The following TAFA2 variants were observed in gnomAD, a reference collection of about 807,000 sequenced individuals.
The protein encoded by TAFA2 is chemokine-like protein TAFA-2.
In TAFA2, 7 loss-of-function variants were observed where a neutral mutation model predicts 18.8. That is an observed-to-expected ratio of 0.37 (90% CI 0.21 to 0.70). The LOEUF is 0.70. Among genes scored for constraint, TAFA2 ranks in the 30% least tolerant of loss-of-function variants. The pLI is 0.53. For synonymous variants in TAFA2, 60 were observed against 54.2 expected (o/e 1.11, Z -0.47); for missense variants, 122 against 158.1 (o/e 0.77, Z 1.23).
At chr12:62,018,926 C>T (rs190281305) in intron 1 of TAFA2, among the ~76,000 whole-genome samples, 126 of 152,322 alleles carry the variant, frequency 8.3e-4, no homozygotes, top group Non-Finnish European at 2.4e-4. Context: ...CTCTACTCAT[C>T]TGACAAAGGG....
chr12:62,240,383 C>A (rs1462819527), intron 1 of TAFA2, among the ~76,000 whole-genome samples: 2 of 151,058 alleles, frequency 1.3e-5, no homozygotes, highest in Non-Finnish European at 2.9e-5. Context: ...AGCGCTATGG[C>A]ACTCCAGCCT....
intron 1 of TAFA2, among the ~76,000 whole-genome samples, chr12:62,187,992 T>C (rs992065024): frequency 1.3e-5 from 2 of 152,226 alleles, no homozygotes; most frequent in African/African-American, 2.4e-5. Context: ...CATGGCATTA[T>C]AAAATCAGTG....
chr12:61,775,660 G>A (rs1228267355), intron 2 of TAFA2, among the ~76,000 whole-genome samples: 1 of 151,780 alleles, frequency 6.6e-6, no homozygotes, highest in Non-Finnish European at 1.5e-5. Context: ...GCAGAACACA[G>A]GATTTTTAGG....
Position 62,039,321 on chromosome 12 carries a change from A to T in TAFA2, c.-2+151938T>A, listed in dbSNP as rs149807758. Among the ~76,000 whole-genome samples the T allele has an allele frequency of 2.0e-3, 309 of 152,330 alleles. 1 individual carries two copies. Among genetic ancestry groups the T allele is most frequent in the Non-Finnish European group, 3.4e-3 (234 of 68,030 alleles). On this transcript the variant is annotated intron_variant, in intron 1 of 4. Transcript: ENST00000416284. ...TGTTTTCCTATTCTTGGAGCACTCCATGAAAACCGCTGAGTAAGGGCAGTA... is the reference window on the plus strand; with the variant it reads ...TGTTTTCCTATTCTTGGAGCACTCCTTGAAAACCGCTGAGTAAGGGCAGTA...
chr12:61,830,562 G>C (rs371207406), intron 2 of TAFA2, among the ~76,000 whole-genome samples: 50 of 152,000 alleles, frequency 3.3e-4, no homozygotes, highest in African/African-American at 1.1e-3. Context: ...CATGGGCATA[G>C]AGGGGAAATA....
At chr12:61,769,762 T>C (rs1869947274) in intron 2 of TAFA2, among the ~76,000 whole-genome samples, 1 of 152,068 alleles carries the variant, frequency 6.6e-6, no homozygotes, top group Non-Finnish European at 1.5e-5. Flanking sequence ...TCTCAGATCT[T>C]CCCTCTGACA....
intron 1 of TAFA2, among the ~76,000 whole-genome samples, chr12:61,870,642 TCA>T (rs1023031313): frequency 1.1e-4 from 16 of 152,224 alleles, no homozygotes; most frequent in African/African-American, 3.4e-4. Context: ...CCACACACAC[TCA>T]CAGTCTATTT....
chr12:61,804,651 C>T (rs1277771650), intron 2 of TAFA2, among the ~76,000 whole-genome samples: 1 of 152,046 alleles, frequency 6.6e-6, no homozygotes, highest in African/African-American at 2.4e-5. Context: ...CAAGTTTCTA[C>T]AGCACTCTGT....
chr12:62,177,596 C>T (rs1021140828), intron 1 of TAFA2, among the ~76,000 whole-genome samples: 6 of 152,126 alleles, frequency 3.9e-5, no homozygotes, highest in African/African-American at 1.2e-4. Flanking sequence ...GAACTTCAAA[C>T]CCAAATTTAC....
intron 1 of TAFA2, among the ~76,000 whole-genome samples, chr12:62,058,803 T>C (rs1408049040): frequency 6.6e-6 from 1 of 152,062 alleles, no homozygotes; most frequent in Non-Finnish European, 1.5e-5. Flanking sequence ...TCTAAAGAAA[T>C]TTTAAAAAAT....
chr12:61,900,610 A>G (rs961268529), intron 1 of TAFA2, among the ~76,000 whole-genome samples: 23 of 152,178 alleles, frequency 1.5e-4, no homozygotes, highest in Admixed American at 5.9e-4. Context: ...AAGGCCCCAT[A>G]TAAACCCATC....
At chr12:62,058,038 A>G (rs1251255794) in intron 1 of TAFA2, among the ~76,000 whole-genome samples, 2 of 152,238 alleles carry the variant, frequency 1.3e-5, no homozygotes, top group Non-Finnish European at 2.9e-5. Flanking sequence ...ATAAATAAAA[A>G]CAAATAAATA....
chr12:61,792,388 G>T (rs1034738362), intron 2 of TAFA2, among the ~76,000 whole-genome samples: 2 of 151,610 alleles, frequency 1.3e-5, no homozygotes, highest in African/African-American at 2.4e-5. Flanking sequence ...AGCTAGAAAA[G>T]ATTATTTTAA....
chr12:62,060,945 A>T (rs1882331861), intron 1 of TAFA2, among the ~76,000 whole-genome samples: 1 of 152,066 alleles, frequency 6.6e-6, no homozygotes, highest in African/African-American at 2.4e-5. Context: ...GTTTAAAGGG[A>T]AAGAAAATAT....
intron 1 of TAFA2, among the ~76,000 whole-genome samples, chr12:62,014,766 C>A (rs1460614931): frequency 6.6e-6 from 1 of 152,170 alleles, no homozygotes; most frequent in Non-Finnish European, 1.5e-5. Context: ...TATTAAATAT[C>A]AAGTATTGTG....
At chr12:62,249,443 T>G (rs374190019) in intron 1 of TAFA2, among the ~76,000 whole-genome samples, 15 of 152,178 alleles carry the variant, frequency 9.9e-5, no homozygotes, top group African/African-American at 3.6e-4. Context: ...CTTGTGGTAA[T>G]GAGTAAGTTC....
At chr12:61,852,044 C>T (rs1260993374) in intron 2 of TAFA2, among the ~76,000 whole-genome samples, 2 of 151,354 alleles carry the variant, frequency 1.3e-5, no homozygotes, top group African/African-American at 4.9e-5. Context: ...CCTGTCTCTA[C>T]TGAAAATACA....
intron 1 of TAFA2, among the ~76,000 whole-genome samples, chr12:62,202,448 T>C (rs1245659): frequency 0.88 from 133,057 of 151,886 alleles, 58,380 homozygotes; most frequent in Middle Eastern, 0.93. Flanking sequence ...CCAGTTCAAG[T>C]GATTCTCTCG....
At chr12:62,149,770 TCTCA>T (rs550589464) in intron 1 of TAFA2, among the ~76,000 whole-genome samples, 14 of 152,042 alleles carry the variant, frequency 9.2e-5, no homozygotes, top group Non-Finnish European at 1.9e-4. Flanking sequence ...TTCCTCCAAC[TCTCA>T]CTCAGCCACA....
Sources: allele counts gnomAD v4.1 joint callset (sites outside exome capture counted in the v4.1 genomes callset), GRCh38; gene constraint gnomAD v4.1.1; transcripts MANE v1.5; gene names NCBI Gene and HGNC (gene_info 2026-07-23, HGNC 2026-07-21).